DDX60L: variants seen among roughly 807,000 people sequenced by gnomAD.
DDX60L encodes probable ATP-dependent RNA helicase DDX60-like.
In DDX60L, 191 loss-of-function variants were observed where a neutral mutation model predicts 211.6. The ratio of observed to expected loss-of-function variants is 0.90; its 90% CI spans 0.80 to 1.02. DDX60L has a LOEUF of 1.02. DDX60L is among the 50% of genes least tolerant of loss of function. The probability of loss-of-function intolerance (pLI) is 0.00; values close to 1 mark genes in which losing one functional copy is unlikely to be tolerated. For missense variants in DDX60L, 2,007 were observed against 1,984.1 expected, an observed-to-expected ratio of 1.01 and a Z score of -0.22; for synonymous variants, 706 against 694.1, an observed-to-expected ratio of 1.02 and a Z score of -0.27.
intron 9 of DDX60L, among the ~76,000 whole-genome samples, chr4:168,441,946 A>C (rs960882148): frequency 7.2e-5 from 11 of 152,194 alleles, no homozygotes; most frequent in Non-Finnish European, 1.3e-4. Context: ...TTGCAACTTT[A>C]AAAACTAATT....
chr4:168,379,257 C>T (rs1742498416), intron 32 of DDX60L, 106 bp downstream of exon 32: 15 of 1,048,076 alleles, frequency 1.4e-5, no homozygotes, highest in Non-Finnish European at 1.7e-5. Context: ...TATTTATTTG[C>T]TTTAATAAAT....
chr4:168,385,005 T>A (rs966629610), intron 29 of DDX60L, among the ~76,000 whole-genome samples, 193 bp from the exon 30 acceptor site: 2 of 152,172 alleles, frequency 1.3e-5, no homozygotes. Flanking sequence ...GGCATTGTGA[T>A]ATATATTTGG....
intron 12 of DDX60L, among the ~76,000 whole-genome samples, chr4:168,430,842 C>T (rs1752234924): frequency 6.6e-6 from 1 of 152,046 alleles, no homozygotes; most frequent in East Asian, 1.9e-4. Context: ...GGTCTAAGTA[C>T]CTGGACATTG....
chr4:168,420,202 C>A, intron 18 of DDX60L, 59 bp downstream of exon 18: 1 of 1,336,168 alleles, frequency 7.5e-7, no homozygotes. Flanking sequence ...CCCAGCAAAA[C>A]AGTTATATAA....
At chr4:168,466,635 C>T (rs1206293433) in intron 4 of DDX60L, among the ~76,000 whole-genome samples, 1 of 152,172 alleles carries the variant, frequency 6.6e-6, no homozygotes, top group East Asian at 1.9e-4. Context: ...AGAGTTGGTG[C>T]ATGTTTCTGA....
Position 168,406,078 on chromosome 4 carries a change from C to T in DDX60L, c.3085G>A (p.Glu1029Lys). 2 of 1,586,544 alleles carry T rather than the reference C, an allele frequency of 1.3e-6. No individual in the cohort carries two copies. Among genetic ancestry groups the T allele is most frequent in the Non-Finnish European group, 1.7e-6 (2 of 1,171,144 alleles). ...AGAATGAATTCCTCTGGACACAATT[C>T]CTTGGGGGGAAAATTATCACAAAAT... ...QVWETWPRAQ[E>K]LCPEEFILFK... Residue 1029 changes from glutamate to lysine, a missense_variant and splice_region_variant, in exon 24 of 38, where the codon GAA (glutamate) becomes AAA (lysine). Physicochemically the swap from Glu to Lys is moderately conservative, Grantham distance 56. Transcript: ENST00000682922.
chr4:168,455,508 G>A (rs1199970737), intron 7 of DDX60L, among the ~76,000 whole-genome samples: 1 of 152,146 alleles, frequency 6.6e-6, no homozygotes, highest in African/African-American at 2.4e-5. Flanking sequence ...AACCATCCTA[G>A]TCAAAATCCA....
chr4:168,406,604 G>A lies in DDX60L; in HGVS notation c.3082C>T (p.Gln1028Ter). The A allele has an allele frequency of 6.3e-7, 1 of 1,585,198 alleles. No individual in the cohort carries two copies. The highest frequency in any genetic ancestry group is 8.6e-7 in the Non-Finnish European group (1 of 1,163,210). The change falls in exon 23 of 38, where the codon CAG (glutamine) becomes TAG (stop). Residue 1028 changes from glutamine to a stop codon, truncating the protein, a stop_gained and splice_region_variant. Transcript: ENST00000682922. LOFTEE classifies it high-confidence loss of function. The part of the protein sequence containing the change: ...AQVWETWPRA[Q>*]ELCPEEFILF... ...TGAATATATATTTCTATATTTACCT[G>A]AGCCCTGGGCCAAGTTTCCCAGACT...
At chr4:168,442,177 A>G (rs1753961378) in intron 9 of DDX60L, among the ~76,000 whole-genome samples, 2 of 152,246 alleles carry the variant, frequency 1.3e-5, no homozygotes, top group South Asian at 4.1e-4. Context: ...AGGGCGAGGC[A>G]TTGCCTCACT....
At chr4:168,466,279 C>A (rs932511466) in intron 4 of DDX60L, among the ~76,000 whole-genome samples, 2 of 151,326 alleles carry the variant, frequency 1.3e-5, no homozygotes, top group African/African-American at 4.9e-5. Context: ...AAAACATCAG[C>A]AAAATTGATA....
At position 168,471,776 on chromosome 4, in the gene DDX60L, C is replaced by T. The variant is rs765792678; in HGVS notation, c.235G>A (p.Gly79Arg). The change falls in exon 4 of 38, where the codon GGA becomes AGA. Residue 79 changes from glycine (G) to arginine (R), a missense_variant. Coordinates refer to ENST00000682922, the MANE Select transcript of DDX60L (RefSeq NM_001012967.3). ...ECYLVDLLSN[G>R]GQFTIVFFKD... is the part of the protein sequence containing the mutation. ...AAGAAAACTATGGTGAATTGTCCTC[C>T]GTTACTCAGAAGATCCACAAGATAG... is the stretch of plus-strand genomic sequence containing the variant. 47 of 1,606,278 alleles carry T rather than the reference C, an allele frequency of 2.9e-5. No homozygotes were observed. The South Asian group carries it at 4.8e-4, about 16-fold the overall frequency.
intron 5 of DDX60L, among the ~76,000 whole-genome samples, chr4:168,460,824 C>G (rs1425838731): frequency 6.6e-6 from 1 of 152,186 alleles, no homozygotes; most frequent in Non-Finnish European, 1.5e-5. Context: ...GCTGACAGAC[C>G]AGCTACAAAT....
At position 168,371,570 on chromosome 4, in the gene DDX60L, T is replaced by C. The variant is rs757604191; in HGVS notation, c.4928+42A>G. 21 of 1,181,408 alleles carry C rather than the reference T, an allele frequency of 1.8e-5. 1 individual carries two copies. Among genetic ancestry groups the C allele is most frequent in the Middle Eastern group, 5.5e-4 (2 of 3,614 alleles). 73.2% of individuals were successfully genotyped at this position (1,181,408 alleles called of 1,614,324 possible). ...TATACAATAATAAAACATAGATATA[T>C]ATGTATGTATATATTTTACAGAAAC... On this transcript the variant is annotated intron_variant, in intron 36 of 37. Coordinates refer to ENST00000682922, the MANE Select transcript of DDX60L (RefSeq NM_001012967.3).
intron 19 of DDX60L, among the ~76,000 whole-genome samples, chr4:168,419,021 T>A (rs1750030414): frequency 6.6e-6 from 1 of 152,228 alleles, no homozygotes; most frequent in Non-Finnish European, 1.5e-5. Flanking sequence ...TCATAATGCT[T>A]CCCCCTCCCT....
intron 9 of DDX60L, 43 bp downstream of exon 9, chr4:168,448,595 T>C (rs1180051617): frequency 7.1e-7 from 1 of 1,414,130 alleles, no homozygotes; most frequent in African/African-American, 1.4e-5. Flanking sequence ...GGGTTTTATA[T>C]AATTTGTTCA....
chr4:168,379,300 G>T, intron 32 of DDX60L, 63 bp downstream of exon 32: 1 of 1,304,864 alleles, frequency 7.7e-7, no homozygotes, highest in South Asian at 1.8e-5. Context: ...ACATATCTGC[G>T]GTTTTGGCTA....
At chr4:168,461,340 C>T (rs1442351690) in intron 5 of DDX60L, among the ~76,000 whole-genome samples, 1 of 152,148 alleles carries the variant, frequency 6.6e-6, no homozygotes, top group African/African-American at 2.4e-5. Flanking sequence ...GGATAAAGTG[C>T]AAATATATTT....
chr4:168,385,931 CCA>C (rs1177119222), intron 29 of DDX60L, among the ~76,000 whole-genome samples: 3 of 151,012 alleles, frequency 2.0e-5, no homozygotes, highest in Admixed American at 6.6e-5. Context: ...CTCTTTCTCA[CCA>C]CACACACACA....
intron 30 of DDX60L, among the ~76,000 whole-genome samples, chr4:168,384,216 C>G (rs6846524): frequency 0.022 from 3,401 of 152,182 alleles, 133 homozygotes; most frequent in African/African-American, 0.078. Flanking sequence ...ATATATCTAT[C>G]CTATTAGTTC....
Sources: gnomAD v4.1 joint callset for allele counts (sites outside exome capture counted in the v4.1 genomes callset) on GRCh38, gnomAD v4.1.1 for gene constraint, MANE v1.5 for transcripts, NCBI Gene and HGNC (gene_info 2026-07-23, HGNC 2026-07-21) for gene names.